Variants in SIK3 observed in about 807,000 individuals in gnomAD.
The protein encoded by SIK3 is SIK family kinase 3, also known as serine/threonine-protein kinase SIK3.
A neutral mutation model predicts 144.2 loss-of-function variants in SIK3; 28 were observed. The observed-to-expected ratio is 0.19, with a 90% CI of 0.14 to 0.27. The LOEUF is 0.27. Among genes scored for constraint, SIK3 ranks in the 10% least tolerant of loss-of-function variants. SIK3 has a pLI of 1.00. For missense variants in SIK3, 1,319 were observed against 1,776.0 expected (o/e 0.74, Z 4.62); for synonymous variants, 686 against 676.3 (o/e 1.01, Z -0.22).
At chr11:116,946,621 C>A (rs1029988640) in intron 3 of SIK3, among the ~76,000 whole-genome samples, 5 of 152,164 alleles carry the variant, frequency 3.3e-5, no homozygotes, top group Admixed American at 3.3e-4. Flanking sequence ...AGAAAACAGT[C>A]TAGAACAAAG....
intron 3 of SIK3, among the ~76,000 whole-genome samples, chr11:116,929,497 A>C (rs1010842723): frequency 4.6e-5 from 7 of 151,362 alleles, no homozygotes; most frequent in Non-Finnish European, 1.0e-4. Context: ...AGTCTTTATA[A>C]ATTTCTAAGT....
chr11:116,970,998 A>G (rs1386787294), intron 1 of SIK3, among the ~76,000 whole-genome samples: 1 of 152,190 alleles, frequency 6.6e-6, no homozygotes, highest in Non-Finnish European at 1.5e-5. Flanking sequence ...TATGATAATA[A>G]GCAGAAAACT....
chr11:117,025,235 G>GTTTTC (rs1951959628), intron 1 of SIK3, among the ~76,000 whole-genome samples: 1 of 152,018 alleles, frequency 6.6e-6, no homozygotes, highest in East Asian at 1.9e-4. Context: ...AATGTAGCTT[G>GTTTTC]AAAAAAATCA....
At chr11:117,042,978 A>G (rs1036123290) in intron 1 of SIK3, among the ~76,000 whole-genome samples, 2 of 152,246 alleles carry the variant, frequency 1.3e-5, no homozygotes, top group Non-Finnish European at 2.9e-5. Flanking sequence ...GAACCAATAA[A>G]ATCAAAAGCT....
At chr11:117,038,963 T>C (rs914681540) in intron 1 of SIK3, among the ~76,000 whole-genome samples, 1 of 151,956 alleles carries the variant, frequency 6.6e-6, no homozygotes, top group Non-Finnish European at 1.5e-5. Flanking sequence ...GGCAGGAGAA[T>C]TGTTTGAACC....
chr11:117,029,090 G>T (rs1952145994), intron 1 of SIK3, among the ~76,000 whole-genome samples: 1 of 152,086 alleles, frequency 6.6e-6, no homozygotes, highest in South Asian at 2.1e-4. Flanking sequence ...GGTATTTTTA[G>T]TGGAGACAAG....
chr11:116,940,980 C>T (rs892949450), intron 3 of SIK3, among the ~76,000 whole-genome samples: 1 of 150,866 alleles, frequency 6.6e-6, no homozygotes, highest in African/African-American at 2.4e-5. Context: ...TAGAAAATAG[C>T]TAAGTTTTTG....
intron 1 of SIK3, among the ~76,000 whole-genome samples, chr11:117,024,291 C>T (rs1475362559): frequency 2.0e-5 from 3 of 149,220 alleles, no homozygotes; most frequent in East Asian, 3.9e-4. Flanking sequence ...GAAAGGAAAA[C>T]TCCCCTTTCA....
intron 3 of SIK3, among the ~76,000 whole-genome samples, chr11:116,936,122 T>A (rs1434812720): frequency 6.6e-6 from 1 of 152,168 alleles, no homozygotes. Flanking sequence ...TTTTATAATT[T>A]AAAAAAATTT....
At chr11:117,060,913 G>A (rs141798840) in intron 1 of SIK3, among the ~76,000 whole-genome samples, 228 of 152,202 alleles carry the variant, frequency 1.5e-3, no homozygotes, top group African/African-American at 4.9e-3. Flanking sequence ...GGATTTCTCC[G>A]TACTTTCTGC....
chr11:116,854,457 T>C (rs1306694565), intron 21 of SIK3, among the ~76,000 whole-genome samples: 1 of 152,270 alleles, frequency 6.6e-6, no homozygotes, highest in African/African-American at 2.4e-5. Flanking sequence ...GTGATACTTC[T>C]TGCAGCACTC....
At chr11:117,021,646 A>C (rs1951765996) in intron 1 of SIK3, among the ~76,000 whole-genome samples, 1 of 152,024 alleles carries the variant, frequency 6.6e-6, no homozygotes, top group African/African-American at 2.4e-5. Flanking sequence ...GCTTACCACT[A>C]TCTTTGTCAA....
chr11:116,894,174 C>T (rs1254010397), intron 6 of SIK3, among the ~76,000 whole-genome samples: 1 of 152,150 alleles, frequency 6.6e-6, no homozygotes, highest in East Asian at 1.9e-4. Context: ...GCTTACCTCA[C>T]CAGCAACTCT....
chr11:117,082,902 G>T (rs1461533884), intron 1 of SIK3, among the ~76,000 whole-genome samples: 3 of 152,092 alleles, frequency 2.0e-5, no homozygotes, highest in African/African-American at 7.2e-5. Context: ...TCCCGCACCA[G>T]TCTCAGTTCT....
chr11:116,975,305 C>A (rs1949908822), intron 1 of SIK3, among the ~76,000 whole-genome samples: 1 of 151,412 alleles, frequency 6.6e-6, no homozygotes, highest in Non-Finnish European at 1.5e-5. Flanking sequence ...TCTAACTGAA[C>A]ATTTTTGTTC....
intron 1 of SIK3, among the ~76,000 whole-genome samples, chr11:116,991,527 C>T (rs1452481139): frequency 6.6e-6 from 1 of 152,152 alleles, no homozygotes; most frequent in Admixed American, 6.5e-5. Flanking sequence ...ATAATTTGAA[C>T]ACTCTAATAA....
intron 6 of SIK3, 22 bp from the exon 7 acceptor site, chr11:116,877,064 C>T (rs1944295189): frequency 1.2e-6 from 2 of 1,609,766 alleles, no homozygotes; most frequent in Non-Finnish European, 8.5e-7. Flanking sequence ...AAACAGCCTG[C>T]CTTCAGTCTC....
Position 116,858,536 on chromosome 11 carries a change from G to A in SIK3, c.2929C>T (p.Pro977Ser). The change falls in exon 21 of 25, where the codon CCC becomes TCC. Residue 977 changes from proline to serine, a missense_variant. Coordinates refer to ENST00000445177, the MANE Select transcript of SIK3 (RefSeq NM_001366686.3). This position sits in a 1 kb window ranked among gnomAD's most constrained non-coding sequence, Gnocchi z 5.4. ...ALKVPPLDQF[P>S]TFPPSAHQQP... ...TGATGTGCACTGGGAGGGAAGGTGG[G>A]GAATTGGTCAAGTGGAGGGACTTTC... 1 of 1,613,532 alleles carries A rather than the reference G, an allele frequency of 6.2e-7. No homozygotes were observed. The highest frequency in any genetic ancestry group is 8.5e-7 in the Non-Finnish European group (1 of 1,179,804).
chr11:117,064,793 T>C (rs1408297234), intron 1 of SIK3, among the ~76,000 whole-genome samples: 1 of 152,166 alleles, frequency 6.6e-6, no homozygotes, highest in East Asian at 1.9e-4. Flanking sequence ...ATATCTGAAC[T>C]GCACTTGACT....
Sources: gnomAD v4.1 joint callset for allele counts (sites outside exome capture counted in the v4.1 genomes callset) on GRCh38, gnomAD v4.1.1 for gene constraint, Gnocchi (gnomAD v3.1) non-coding constraint, MANE v1.5 for transcripts, NCBI Gene and HGNC (gene_info 2026-07-23, HGNC 2026-07-21) for gene names.